Variants in DGKG observed in about 807,000 individuals in gnomAD.
DGKG encodes the protein DAG kinase gamma.
In DGKG, 78 loss-of-function variants were observed where a neutral mutation model predicts 105.3. That is an observed-to-expected ratio of 0.74 (90% CI 0.62 to 0.89). The LOEUF is 0.89. Ranked by LOEUF, DGKG falls within the 40% of genes least tolerant of loss-of-function variation. The pLI is 0.00. For synonymous variants in DGKG, 346 were observed against 367.1 expected, an observed-to-expected ratio of 0.94 and a Z score of 0.66; for missense variants, 958 against 1,020.1, an observed-to-expected ratio of 0.94 and a Z score of 0.83.
chr3:186,167,235 C>T (rs1716590343), intron 22 of DGKG, among the ~76,000 whole-genome samples: 1 of 152,144 alleles, frequency 6.6e-6, no homozygotes, highest in South Asian at 2.1e-4. Flanking sequence ...TGAGTTTTCC[C>T]TGGTGTAGAG....
chr3:186,260,443 G>A lies in DGKG; in HGVS notation c.1420C>T (p.Pro474Ser). ...TAAAGATTGTGATCTCCATACCCTG[G>A]AGTAGGCCCCCCATTGTCCAGGTTG... ...VFNLDNGGPT[P>S]GLNFFRDTPD... The change falls in exon 16 of 25, where the codon CCA becomes TCA. Residue 474 changes from proline to serine, a missense_variant. Around this residue, in one of 2 missense-constraint regions of DGKG, gnomAD observed 643 missense variants for 619.5 expected, o/e 1.04. Transcript: ENST00000265022. The A allele has an allele frequency of 6.2e-7, 1 of 1,609,984 alleles. No individual in the cohort carries two copies. Among genetic ancestry groups the A allele is most frequent in the Non-Finnish European group, 8.5e-7 (1 of 1,176,238 alleles).
chr3:186,149,269 A>G lies in DGKG; in HGVS notation c.*821T>C, dbSNP rs1326804040. 2 of 984,792 alleles carry G rather than the reference A, an allele frequency of 2.0e-6. No homozygotes were observed. Among genetic ancestry groups the G allele is most frequent in the African/African-American group, 1.8e-5 (1 of 57,086 alleles). The allele number at this position is 984,792 out of a possible 1,614,324, so 61.0% of individuals were successfully genotyped here. A position where few individuals can be genotyped will look rare whatever the true frequency, so the allele number is the denominator to read the frequency against. On this transcript the variant is annotated 3_prime_UTR_variant, in exon 25 of 25. Transcript: ENST00000265022. The stretch of plus-strand genomic sequence containing the variant: ...TTTCCTTCCCTTTTTACACAATATT[A>G]TGACACCAATTTGAAAAATAAATCC...
chr3:186,349,883 C>T (rs955301499), intron 1 of DGKG, among the ~76,000 whole-genome samples: 1 of 149,898 alleles, frequency 6.7e-6, no homozygotes, highest in Non-Finnish European at 1.5e-5. Flanking sequence ...CATCCATCCA[C>T]AGAACCTTTT....
Position 186,312,168 on chromosome 3 carries a change from G to A in DGKG, c.68-5191C>T, listed in dbSNP as rs550664163. Among the ~76,000 whole-genome samples, 20 of 121,072 alleles carry A rather than the reference G, an allele frequency of 1.7e-4. No individual in the cohort carries two copies. The East Asian group carries it at 3.6e-3, about 22-fold the overall frequency. The allele number at this position is 121,072 out of a possible 152,430, so 79.4% of individuals were successfully genotyped here. ...AAAAAAAAAAAAAAAAGAACACAGAGTATTTGAGCATTAGACCATTAAACT... is the reference window on the plus strand; with the variant it reads ...AAAAAAAAAAAAAAAAGAACACAGAATATTTGAGCATTAGACCATTAAACT... On this transcript the variant is annotated intron_variant, in intron 2 of 24. Coordinates refer to ENST00000265022, the MANE Select transcript of DGKG (RefSeq NM_001346.3).
intron 20 of DGKG, among the ~76,000 whole-genome samples, chr3:186,230,670 G>T (rs1720109573): frequency 6.6e-6 from 1 of 152,204 alleles, no homozygotes; most frequent in Non-Finnish European, 1.5e-5. Context: ...GCCTGAATGG[G>T]AAGGGCATCG....
intron 7 of DGKG, among the ~76,000 whole-genome samples, chr3:186,282,966 T>C (rs551572524): frequency 6.6e-6 from 1 of 151,842 alleles, no homozygotes; most frequent in Non-Finnish European, 1.5e-5. Context: ...CTGGAGTAAG[T>C]GGCGTGATCT....
intron 10 of DGKG, among the ~76,000 whole-genome samples, chr3:186,274,177 C>A (rs1398784547): frequency 6.6e-6 from 1 of 151,762 alleles, no homozygotes; most frequent in Non-Finnish European, 1.5e-5. Context: ...ATGTAAAATG[C>A]TTTTTTTGTT....
chr3:186,288,981 T>G, intron 5 of DGKG, 101 bp from the exon 6 acceptor site: 1 of 1,189,162 alleles, frequency 8.4e-7, no homozygotes, highest in Non-Finnish European at 1.2e-6. Context: ...GCAAGAATTT[T>G]GTAGAAGTGT....
At chr3:186,213,082 C>T (rs1412756537) in intron 20 of DGKG, among the ~76,000 whole-genome samples, 1 of 152,144 alleles carries the variant, frequency 6.6e-6, no homozygotes, top group South Asian at 2.1e-4. Context: ...TGTGTTCTTC[C>T]ATTGTATGAA....
intron 2 of DGKG, among the ~76,000 whole-genome samples, chr3:186,319,690 C>T (rs1724989599): frequency 6.6e-6 from 1 of 152,084 alleles, no homozygotes; most frequent in African/African-American, 2.4e-5. Flanking sequence ...CACAGTCCAG[C>T]AGGTTCCTCT....
rs112694728 is a variant in DGKG at position 186,149,616 on chromosome 3, C to T, written c.*474G>A. 3.0e-3 allele frequency: 2,995 copies of T among 986,692 alleles called. 71 individuals are homozygous for T. In the African/African-American group the frequency reaches 0.046, roughly 15 times the overall value. 61.1% of individuals were successfully genotyped at this position (986,692 alleles called of 1,614,324 possible). ...CTCTGAGAGCCGGAGGCCGTTTTGT[C>T]TCTGTACAGAGGGAACTTTGTGCAA... On this transcript the variant is annotated 3_prime_UTR_variant, in exon 25 of 25. Coordinates refer to ENST00000265022, the MANE Select transcript of DGKG (RefSeq NM_001346.3).
intron 21 of DGKG, among the ~76,000 whole-genome samples, chr3:186,193,608 G>A (rs1022355346): frequency 6.6e-6 from 1 of 152,264 alleles, no homozygotes; most frequent in Non-Finnish European, 1.5e-5. Context: ...ATCGTGCACT[G>A]ATTTCCTTCA....
chr3:186,316,878 C>G (rs1724844774), intron 2 of DGKG, among the ~76,000 whole-genome samples: 1 of 152,242 alleles, frequency 6.6e-6, no homozygotes, highest in East Asian at 1.9e-4. Flanking sequence ...TGCAATCCGA[C>G]TGAACACCAG....
chr3:186,199,536 A>C (rs1718347266), intron 21 of DGKG, among the ~76,000 whole-genome samples: 1 of 151,920 alleles, frequency 6.6e-6, no homozygotes, highest in African/African-American at 2.4e-5. Context: ...TTTTTGAGAC[A>C]GAGTCTTGCT....
chr3:186,326,802 G>T (rs182428591), intron 1 of DGKG, among the ~76,000 whole-genome samples: 1 of 152,100 alleles, frequency 6.6e-6, no homozygotes, highest in Admixed American at 6.5e-5. Context: ...TTTCATTTTA[G>T]GATGTTTTCT....
intron 6 of DGKG, among the ~76,000 whole-genome samples, chr3:186,285,084 T>G (rs1357256964): frequency 6.6e-6 from 1 of 151,964 alleles, no homozygotes; most frequent in Non-Finnish European, 1.5e-5. Context: ...AAGTGTAGAG[T>G]TAGGCAGATT....
chr3:186,350,402 GCAGTATGTGT>G (rs1726570663), intron 1 of DGKG, among the ~76,000 whole-genome samples: 1 of 152,256 alleles, frequency 6.6e-6, no homozygotes, highest in South Asian at 2.1e-4. Flanking sequence ...GTTGCATGTT[GCAGTATGTGT>G]CAGAATTTCA....
rs151333229 is a variant in DGKG, at chr3:186,269,304, G to A, written c.1000-387C>T. Among the ~76,000 whole-genome samples the A allele has an allele frequency of 3.0e-3, 451 of 152,346 alleles. 3 individuals carry two copies. The highest frequency in any genetic ancestry group is 6.7e-3 in the Admixed American group (103 of 15,304). ...GTGCAGAGGAACTCTGGAGGGCTTGGGTAGGCCACAGACAAAACTGGCTGG... is the reference window on the plus strand; with the variant it reads ...GTGCAGAGGAACTCTGGAGGGCTTGAGTAGGCCACAGACAAAACTGGCTGG... On this transcript the variant is annotated intron_variant, in intron 11 of 24. Coordinates refer to ENST00000265022, the MANE Select transcript of DGKG (RefSeq NM_001346.3).
rs768921168 is a variant in DGKG at position 186,280,715 on chromosome 3, C to T, written c.624G>A (p.Leu208=). The T allele has an allele frequency of 1.2e-6, 2 of 1,614,044 alleles. No individual in the cohort carries two copies. Among genetic ancestry groups the T allele is most frequent in the Admixed American group, 3.3e-5 (2 of 60,002 alleles). ...AEMDCIVNQM[L]HIAQYLEWDP... is the part of the protein sequence containing the mutation. ...CCCACTCCAGGTACTGGGCAATATG[C>T]AGCATTTGGTTGACAATGCAATCCA... is the stretch of plus-strand genomic sequence containing the variant. The change falls in exon 8 of 25, where the codon CTG becomes CTA. Residue 208 remains leucine (L), a synonymous_variant. Coordinates refer to ENST00000265022, the MANE Select transcript of DGKG (RefSeq NM_001346.3).
Sources: gnomAD v4.1 joint callset for allele counts (sites outside exome capture counted in the v4.1 genomes callset) on GRCh38, gnomAD v4.1.1 for gene constraint, gnomAD v4.1.1 regional missense constraint, MANE v1.5 for transcripts, NCBI Gene and HGNC (gene_info 2026-07-23, HGNC 2026-07-21) for gene names.